The following MAP4K3 variants were observed in gnomAD, a reference collection of about 807,000 sequenced individuals.
The protein encoded by MAP4K3 is MAPK/ERK kinase kinase kinase 3.
A neutral mutation model predicts 143.5 loss-of-function variants in MAP4K3; 94 were observed. That is an observed-to-expected ratio of 0.65 (90% CI 0.55 to 0.78). MAP4K3 has a LOEUF of 0.78. MAP4K3 is among the 30% of genes least tolerant of loss of function. MAP4K3 has a pLI of 0.00. For synonymous variants in MAP4K3, 416 were observed against 347.2 expected, an observed-to-expected ratio of 1.20 and a Z score of -2.20; for missense variants, 1,077 against 1,068.1, an observed-to-expected ratio of 1.01 and a Z score of -0.12.
intron 12 of MAP4K3, among the ~76,000 whole-genome samples, chr2:39,325,295 C>T (rs887004535): frequency 2.6e-5 from 4 of 152,116 alleles, no homozygotes; most frequent in Non-Finnish European, 4.4e-5. Context: ...TATGCCTTTG[C>T]CATTTTCACA....
At chr2:39,369,915 C>T (rs1247052538) in intron 2 of MAP4K3, among the ~76,000 whole-genome samples, 1 of 152,244 alleles carries the variant, frequency 6.6e-6, no homozygotes, top group East Asian at 1.9e-4. Context: ...CCACCACCTA[C>T]ATATGCACAC....
chr2:39,435,846 A>C (rs1665450627), intron 1 of MAP4K3, among the ~76,000 whole-genome samples: 1 of 152,238 alleles, frequency 6.6e-6, no homozygotes, highest in South Asian at 2.1e-4. Context: ...AATCAGACTA[A>C]AGCAGAACAC....
chr2:39,350,545 A>G (rs1030324701), intron 3 of MAP4K3, among the ~76,000 whole-genome samples: 2 of 152,218 alleles, frequency 1.3e-5, no homozygotes, highest in African/African-American at 4.8e-5. Context: ...ATTCAAAAAG[A>G]TATTCATAAA....
intron 2 of MAP4K3, among the ~76,000 whole-genome samples, chr2:39,363,111 T>C (rs1006287229): frequency 3.3e-5 from 5 of 152,132 alleles, no homozygotes; most frequent in African/African-American, 1.2e-4. Context: ...AAAACTCTTA[T>C]AGAAAAACAC....
rs1469300172 is a variant in MAP4K3 at position 39,429,758 on chromosome 2, A to C, written c.96+7134T>G. On this transcript the variant is annotated intron_variant, in intron 1 of 33. Transcript: ENST00000263881. Reference sequence around the variant, plus strand: ...AAAGCAAAGGACCTAGAATAGATAAAACCATTTTGAAAAGGTAGAACAGAA... The same window carrying C: ...AAAGCAAAGGACCTAGAATAGATAACACCATTTTGAAAAGGTAGAACAGAA... Among the ~76,000 whole-genome samples, 3 of 152,216 alleles carry C rather than the reference A, an allele frequency of 2.0e-5. No homozygotes were observed. In the East Asian group the frequency reaches 5.8e-4, roughly 29 times the overall value.
chr2:39,416,440 AC>A (rs924376542), intron 1 of MAP4K3, among the ~76,000 whole-genome samples: 63 of 152,288 alleles, frequency 4.1e-4, no homozygotes, highest in Admixed American at 3.9e-3. Flanking sequence ...GAGGGTGAGA[AC>A]CACATGCTTC....
At chr2:39,369,199 TTTTTTG>T (rs1430049929) in intron 2 of MAP4K3, among the ~76,000 whole-genome samples, 1 of 59,508 alleles carries the variant, frequency 1.7e-5, no homozygotes, top group African/African-American at 5.6e-5. Flanking sequence ...GCTAGTTTTT[TTTTTTG>T]TTTTTTTTGA....
chr2:39,389,481 C>G (rs976592533), intron 1 of MAP4K3, among the ~76,000 whole-genome samples: 1 of 152,026 alleles, frequency 6.6e-6, no homozygotes, highest in Admixed American at 6.5e-5. Context: ...AAATCCACAT[C>G]TAGACACACT....
chr2:39,318,645 CAAT>C (rs1218541231), intron 12 of MAP4K3, among the ~76,000 whole-genome samples: 2 of 152,020 alleles, frequency 1.3e-5, no homozygotes, highest in African/African-American at 4.8e-5. Context: ...AAGCCATTCA[CAAT>C]GATGCATGGT....
At chr2:39,263,190 CT>C (rs1365538972) in intron 28 of MAP4K3, among the ~76,000 whole-genome samples, 1 of 151,678 alleles carries the variant, frequency 6.6e-6, no homozygotes, top group Non-Finnish European at 1.5e-5. Flanking sequence ...TTGAATACAT[CT>C]GATTAAGGGT....
chr2:39,417,230 T>TG (rs1427860333), intron 1 of MAP4K3, among the ~76,000 whole-genome samples: 2 of 150,786 alleles, frequency 1.3e-5, no homozygotes, highest in Admixed American at 6.6e-5. Context: ...TTTTTTTTTT[T>TG]TGTGTGTGAG....
chr2:39,411,823 G>C (rs1667240014), intron 1 of MAP4K3, among the ~76,000 whole-genome samples: 1 of 152,096 alleles, frequency 6.6e-6, no homozygotes, highest in African/African-American at 2.4e-5. Context: ...AGGTTCGAAG[G>C]GTAATGGCTA....
intron 1 of MAP4K3, among the ~76,000 whole-genome samples, chr2:39,383,196 T>A (rs1666397323): frequency 6.6e-6 from 1 of 152,112 alleles, no homozygotes; most frequent in South Asian, 2.1e-4. Context: ...CGGTAATTTA[T>A]AAAGGAAAAA....
At position 39,274,038 on chromosome 2, in the gene MAP4K3, T is replaced by C. The variant is rs543092395; in HGVS notation, c.1795-1496A>G. On this transcript the variant is annotated intron_variant, in intron 24 of 33. Coordinates refer to ENST00000263881, the MANE Select transcript of MAP4K3 (RefSeq NM_003618.4). ...AAAGTATCTGATACTACATCGATGG[T>C]TTACTATAAAATTATATACTTCCAA... Among the ~76,000 whole-genome samples, 52 of 152,286 alleles carry C rather than the reference T, an allele frequency of 3.4e-4. 1 individual carries two copies. The South Asian group carries it at 8.1e-3, about 24-fold the overall frequency.
intron 1 of MAP4K3, among the ~76,000 whole-genome samples, chr2:39,386,952 AC>A (rs1666522080): frequency 6.6e-6 from 1 of 151,286 alleles, no homozygotes; most frequent in Admixed American, 6.6e-5. Context: ...AGTAGGTGGG[AC>A]TGCAGGTGTG....
intron 2 of MAP4K3, among the ~76,000 whole-genome samples, chr2:39,356,953 G>A (rs2148553891): frequency 6.6e-6 from 1 of 152,334 alleles, no homozygotes; most frequent in East Asian, 1.9e-4. Context: ...CAGGCTGTTT[G>A]TAGAGCTGAG....
chr2:39,297,122 C>CT (rs932204823), intron 16 of MAP4K3, among the ~76,000 whole-genome samples: 119 of 145,616 alleles, frequency 8.2e-4, no homozygotes, highest in Middle Eastern at 7.2e-3. Context: ...GTTTTCTTTT[C>CT]TTTTTTTTTT....
At chr2:39,370,863 A>C (rs1229559010) in intron 2 of MAP4K3, among the ~76,000 whole-genome samples, 1 of 152,194 alleles carries the variant, frequency 6.6e-6, no homozygotes, top group Non-Finnish European at 1.5e-5. Flanking sequence ...AGTAACTTTT[A>C]AATTCTGACT....
intron 15 of MAP4K3, among the ~76,000 whole-genome samples, chr2:39,305,590 T>G (rs1420811088): frequency 6.6e-6 from 1 of 152,226 alleles, no homozygotes; most frequent in Non-Finnish European, 1.5e-5. Flanking sequence ...TTATAAGTTG[T>G]ATACTCTGAC....
Sources: gnomAD v4.1 joint callset for allele counts (sites outside exome capture counted in the v4.1 genomes callset) on GRCh38, gnomAD v4.1.1 for gene constraint, MANE v1.5 for transcripts, NCBI Gene and HGNC (gene_info 2026-07-23, HGNC 2026-07-21) for gene names.